SPAG16: variants seen among roughly 807,000 people sequenced by gnomAD.
SPAG16 encodes sperm associated antigen 16, also known as sperm-associated antigen 16 protein.
Under a neutral mutation model 80.4 loss-of-function variants are expected in SPAG16, and 86 were observed. The ratio of observed to expected loss-of-function variants is 1.07; its 90% CI spans 0.90 to 1.28. The LOEUF is 1.28. SPAG16 is among the 50% of genes most tolerant of loss of function. The pLI, the probability that SPAG16 is intolerant of heterozygous loss-of-function variation, is 0.00. For missense variants in SPAG16, 870 were observed against 765.3 expected, an observed-to-expected ratio of 1.14 and a Z score of -1.61; for synonymous variants, 294 against 265.9, an observed-to-expected ratio of 1.11 and a Z score of -1.03.
At chr2:214,097,366 G>T (rs1256946613) in intron 13 of SPAG16, among the ~76,000 whole-genome samples, 3 of 151,838 alleles carry the variant, frequency 2.0e-5, no homozygotes, top group Non-Finnish European at 4.4e-5. Context: ...AAAAATATAC[G>T]CAGGAATGCT....
At chr2:213,738,098 G>A (rs1017288053) in intron 10 of SPAG16, among the ~76,000 whole-genome samples, 1 of 152,050 alleles carries the variant, frequency 6.6e-6, no homozygotes, top group Non-Finnish European at 1.5e-5. Context: ...TTGCCTTACA[G>A]TGCAAGATAA....
At chr2:213,541,120 CATT>C (rs1337642032) in intron 10 of SPAG16, among the ~76,000 whole-genome samples, 2 of 152,190 alleles carry the variant, frequency 1.3e-5, no homozygotes, top group Admixed American at 6.5e-5. Context: ...ACACTTCTGT[CATT>C]GTTTCATTTA....
At chr2:214,038,536 CT>C (rs36084744) in intron 13 of SPAG16, among the ~76,000 whole-genome samples, 133 of 151,176 alleles carry the variant, frequency 8.8e-4, no homozygotes, top group Non-Finnish European at 1.4e-3. Flanking sequence ...CAATTCATTT[CT>C]TTTTTTTTAG....
At chr2:214,331,868 G>A (rs1696940245) in intron 15 of SPAG16, among the ~76,000 whole-genome samples, 2 of 152,194 alleles carry the variant, frequency 1.3e-5, no homozygotes, top group Admixed American at 1.3e-4. Flanking sequence ...CTAAAGCTTT[G>A]TGTGCAGAAA....
intron 13 of SPAG16, among the ~76,000 whole-genome samples, chr2:214,024,904 A>T (rs2048056008): frequency 6.6e-6 from 1 of 151,620 alleles, no homozygotes; most frequent in Admixed American, 6.6e-5. Flanking sequence ...GATTGCCTCC[A>T]GTCTTTTCTG....
chr2:213,913,589 ATATATG>A (rs1419665807), intron 11 of SPAG16, among the ~76,000 whole-genome samples: 2 of 7,484 alleles, frequency 2.7e-4, no homozygotes, highest in African/African-American at 4.3e-4. Context: ...GTACATGTAC[ATATATG>A]TATATGTACA....
chr2:214,307,844 A>G (rs915973839), intron 15 of SPAG16, among the ~76,000 whole-genome samples: 12 of 152,050 alleles, frequency 7.9e-5, no homozygotes, highest in African/African-American at 2.4e-4. Context: ...CCATGTTGCA[A>G]TGAAAAGAAT....
chr2:213,907,900 T>A (rs1462466520), intron 11 of SPAG16, among the ~76,000 whole-genome samples: 2 of 152,082 alleles, frequency 1.3e-5, no homozygotes, highest in Non-Finnish European at 2.9e-5. Flanking sequence ...AAAGAAATGG[T>A]ACAAATTACA....
At chr2:213,901,462 A>G (rs375656682) in intron 11 of SPAG16, among the ~76,000 whole-genome samples, 1 of 152,208 alleles carries the variant, frequency 6.6e-6, no homozygotes, top group Non-Finnish European at 1.5e-5. Flanking sequence ...AGTAATGCCC[A>G]TAAGACCATG....
In SPAG16 at chr2:214,105,111, A is replaced by G. The variant is rs940728706; in HGVS notation, c.1528-3085A>G. On this transcript the variant is annotated intron_variant, in intron 13 of 15. Transcript: ENST00000331683. ...TGGCTGAATCCAACCAGAGCCCAGA[A>G]GTCCTAAGAACATAGGCAATGTAGT... Among the ~76,000 whole-genome samples the G allele has an allele frequency of 2.0e-5, 3 of 152,100 alleles. No homozygotes were observed. In the South Asian group the frequency reaches 6.2e-4, roughly 32 times the overall value.
At chr2:213,508,249 T>A (rs1031093883) in intron 10 of SPAG16, among the ~76,000 whole-genome samples, 2 of 152,170 alleles carry the variant, frequency 1.3e-5, no homozygotes, top group Admixed American at 1.3e-4. Flanking sequence ...GTGGCACATA[T>A]ACACCATGGA....
intron 14 of SPAG16, among the ~76,000 whole-genome samples, chr2:214,140,481 G>A (rs902812596): frequency 6.6e-6 from 1 of 151,946 alleles, no homozygotes. Flanking sequence ...TTTTGAAGGG[G>A]TGGTAAAATG....
At chr2:213,689,944 A>G (rs2064868638) in intron 10 of SPAG16, among the ~76,000 whole-genome samples, 1 of 152,092 alleles carries the variant, frequency 6.6e-6, no homozygotes, top group African/African-American at 2.4e-5. Context: ...TGGTTTTTAC[A>G]TCCTCTGAAA....
chr2:213,522,047 C>T (rs887543297), intron 10 of SPAG16, among the ~76,000 whole-genome samples: 1 of 152,150 alleles, frequency 6.6e-6, no homozygotes, highest in Non-Finnish European at 1.5e-5. Flanking sequence ...GAGCCAAGAA[C>T]ATCTATATTG....
At chr2:213,313,350 G>A (rs2063277798) in intron 4 of SPAG16, among the ~76,000 whole-genome samples, 1 of 151,768 alleles carries the variant, frequency 6.6e-6, no homozygotes, top group Non-Finnish European at 1.5e-5. Flanking sequence ...GAAGCCTTAG[G>A]CTTATCACTC....
intron 10 of SPAG16, among the ~76,000 whole-genome samples, chr2:213,509,746 C>T (rs574274052): frequency 3.3e-4 from 50 of 152,118 alleles, no homozygotes; most frequent in Non-Finnish European, 5.3e-4. Context: ...CCTAACATCA[C>T]AATTAAAAGA....
In SPAG16 at chr2:213,897,166, A is replaced by G. The variant is rs180835228; in HGVS notation, c.1215-32794A>G. On this transcript the variant is annotated intron_variant, in intron 11 of 15. Transcript: ENST00000331683. ...TTTACCAATTATATGAGTGTATTAAATTATTATTTGTACCCTGAAACTATG... is the reference window on the plus strand; with the variant it reads ...TTTACCAATTATATGAGTGTATTAAGTTATTATTTGTACCCTGAAACTATG... Among the ~76,000 whole-genome samples, 729 of 152,272 alleles carry G rather than the reference A, an allele frequency of 4.8e-3. 3 individuals are homozygous for G. Among genetic ancestry groups the G allele is most frequent in the Admixed American group, 7.5e-3 (115 of 15,284 alleles).
rs909588287 is a variant in SPAG16 at position 213,806,770 on chromosome 2, G to A, written c.1071-55715G>A. 3.9e-5 allele frequency among the ~76,000 whole-genome samples: 6 copies of A among 152,190 alleles called. No individual in the cohort carries two copies. The East Asian group carries it at 1.2e-3, about 29-fold the overall frequency. On this transcript the variant is annotated intron_variant, in intron 10 of 15. Coordinates refer to ENST00000331683, the MANE Select transcript of SPAG16 (RefSeq NM_024532.5). ...ATGATTTTTTAAAAAGATTACAAAT[G>A]TTACAAACGAAATACAATCACATGT...
chr2:213,729,471 G>A (rs1276827577), intron 10 of SPAG16, among the ~76,000 whole-genome samples: 7 of 152,150 alleles, frequency 4.6e-5, no homozygotes, highest in Non-Finnish European at 4.4e-5. Context: ...GGCAACAAAG[G>A]AGCAGAGCAA....
Sources: gnomAD v4.1 joint callset for allele counts (sites outside exome capture counted in the v4.1 genomes callset) on GRCh38, gnomAD v4.1.1 for gene constraint, MANE v1.5 for transcripts, NCBI Gene and HGNC (gene_info 2026-07-23, HGNC 2026-07-21) for gene names.